ZNF475: variants seen among roughly 807,000 people sequenced by gnomAD.
ZNF475 encodes zinc finger protein 475.
the ZNF475 span, chr5:122,162,941 C>T: frequency 6.6e-6 from 1 of 152,160 alleles, no homozygotes. Context: ...TGATACCCCA[C>T]TGACCACTGA....
chr5:122,170,088 C>A, the ZNF475 span, among the ~76,000 whole-genome samples: 1 of 152,214 alleles, frequency 6.6e-6, no homozygotes, highest in Middle Eastern at 3.4e-3. Flanking sequence ...AAACAATTAG[C>A]AAAATAAAAT....
chr5:122,182,444 AT>A, the ZNF475 span: 190 of 1,357,348 alleles, frequency 1.4e-4, 1 homozygote, highest in South Asian at 3.2e-4. Flanking sequence ...TGTTTTTGGT[AT>A]TTTTTTTTCT....
chr5:122,174,022 G>A, the ZNF475 span, among the ~76,000 whole-genome samples: 1 of 152,234 alleles, frequency 6.6e-6, no homozygotes, highest in African/African-American at 2.4e-5. Context: ...GGCTGGTCCC[G>A]GCAAGGGCCT....
the ZNF475 span, among the ~76,000 whole-genome samples, chr5:122,160,428 T>C: frequency 6.6e-6 from 1 of 152,228 alleles, no homozygotes; most frequent in East Asian, 1.9e-4. Flanking sequence ...CTTTCTAATC[T>C]AAAAATTTAA....
chr5:122,170,464 A>G, the ZNF475 span, among the ~76,000 whole-genome samples: 196 of 152,286 alleles, frequency 1.3e-3, no homozygotes, highest in African/African-American at 4.5e-3. Flanking sequence ...CGTGTTATTT[A>G]TGTTACCAGT....
At chr5:122,168,493 G>A in the ZNF475 span, among the ~76,000 whole-genome samples, 2 of 152,162 alleles carry the variant, frequency 1.3e-5, no homozygotes, top group Admixed American at 6.5e-5. Flanking sequence ...GATGGATCAC[G>A]AGGTCAGGAG....
At chr5:122,161,004 G>C in the ZNF475 span, among the ~76,000 whole-genome samples, 2 of 152,176 alleles carry the variant, frequency 1.3e-5, no homozygotes, top group Non-Finnish European at 2.9e-5. Flanking sequence ...TATTGAAACA[G>C]AGGTGACTGT....
chr5:122,165,007 G>C, the ZNF475 span, among the ~76,000 whole-genome samples: 1 of 152,328 alleles, frequency 6.6e-6, no homozygotes, highest in East Asian at 1.9e-4. Context: ...AGTAAATAAA[G>C]TGAGTTCAAT....
the ZNF475 span, among the ~76,000 whole-genome samples, chr5:122,180,613 C>T: frequency 6.6e-6 from 1 of 152,218 alleles, no homozygotes; most frequent in African/African-American, 2.4e-5. Flanking sequence ...AACCATCTCA[C>T]AGGACAATGT....
the ZNF475 span, among the ~76,000 whole-genome samples, chr5:122,168,756 A>C: frequency 3.9e-5 from 6 of 152,194 alleles, no homozygotes; most frequent in Admixed American, 3.3e-4. Context: ...CCATTTCTTA[A>C]TCTGATTGTG....
At chr5:122,172,071 T>C in the ZNF475 span, among the ~76,000 whole-genome samples, 1 of 152,200 alleles carries the variant, frequency 6.6e-6, no homozygotes, top group Admixed American at 6.5e-5. Context: ...TTATATTGCC[T>C]TCTATGATTT....
chr5:122,168,787 C>T, the ZNF475 span, among the ~76,000 whole-genome samples: 1 of 152,226 alleles, frequency 6.6e-6, no homozygotes, highest in African/African-American at 2.4e-5. Context: ...ATGAAGTCCT[C>T]ATCCTTGCAT....
At chr5:122,175,432 T>C in the ZNF475 span, among the ~76,000 whole-genome samples, 1 of 152,182 alleles carries the variant, frequency 6.6e-6, no homozygotes, top group Non-Finnish European at 1.5e-5. Flanking sequence ...AAAGAGCATA[T>C]TGAAAAAAAG....
At chr5:122,171,700 C>T in the ZNF475 span, among the ~76,000 whole-genome samples, 1 of 151,962 alleles carries the variant, frequency 6.6e-6, no homozygotes, top group Middle Eastern at 3.2e-3. Context: ...TGCTCCTTCC[C>T]CTGCCAATTT....
chr5:122,164,192 A>C, the ZNF475 span, among the ~76,000 whole-genome samples: 1 of 152,128 alleles, frequency 6.6e-6, no homozygotes. Flanking sequence ...GAGGAGAGGG[A>C]TTAGAAAAAT....
chr5:122,178,635 GC>G, the ZNF475 span, among the ~76,000 whole-genome samples: 2 of 151,980 alleles, frequency 1.3e-5, no homozygotes, highest in African/African-American at 4.8e-5. Context: ...CTGGATATTA[GC>G]CCTTTGTCAG....
chr5:122,182,385 T>C, the ZNF475 span: 1 of 801,628 alleles, frequency 1.2e-6, no homozygotes, highest in East Asian at 2.9e-5. Context: ...AAGTAGAATA[T>C]GGTTCTCCCG....
At chr5:122,166,559 T>C in the ZNF475 span, among the ~76,000 whole-genome samples, 1 of 152,194 alleles carries the variant, frequency 6.6e-6, no homozygotes, top group Non-Finnish European at 1.5e-5. Context: ...GTTCTCATTG[T>C]TCAATTCCCA....
the ZNF475 span, among the ~76,000 whole-genome samples, chr5:122,175,495 A>G: frequency 6.6e-6 from 1 of 152,280 alleles, no homozygotes; most frequent in African/African-American, 2.4e-5. Context: ...GGTCTTTTCC[A>G]TTATTCAGTG....
Sources: allele counts gnomAD v4.1 joint callset (sites outside exome capture counted in the v4.1 genomes callset), GRCh38; gene constraint gnomAD v4.1.1; transcripts MANE v1.5; gene names NCBI Gene and HGNC (gene_info 2026-07-23, HGNC 2026-07-21).